Variants in KCND2 observed in about 807,000 individuals in gnomAD.
The protein encoded by KCND2 is A-type voltage-gated potassium channel KCND2.
In KCND2, 16 loss-of-function variants were observed where a neutral mutation model predicts 54.4. That is an observed-to-expected ratio of 0.29 (90% confidence interval 0.20 to 0.45). The LOEUF is 0.45. KCND2 is among the 20% of genes least tolerant of loss of function. KCND2 has a pLI of 1.00. For missense variants in KCND2, 486 were observed against 824.2 expected, an observed-to-expected ratio of 0.59 and a Z score of 5.02; for synonymous variants, 317 against 310.7, an observed-to-expected ratio of 1.02 and a Z score of -0.21.
intron 1 of KCND2, among the ~76,000 whole-genome samples, chr7:120,379,109 G>T (rs1185490958): frequency 6.6e-6 from 1 of 151,882 alleles, no homozygotes; most frequent in Non-Finnish European, 1.5e-5. Context: ...CTTATGAATG[G>T]AATAAAATGA....
intron 1 of KCND2, among the ~76,000 whole-genome samples, chr7:120,525,622 A>G (rs1791762724): frequency 6.6e-6 from 1 of 152,190 alleles, no homozygotes; most frequent in African/African-American, 2.4e-5. Context: ...ATTTGAACTG[A>G]CTCACAAATC....
intron 1 of KCND2, among the ~76,000 whole-genome samples, chr7:120,638,315 T>C (rs926735846): frequency 2.6e-5 from 4 of 152,176 alleles, no homozygotes; most frequent in Non-Finnish European, 4.4e-5. Context: ...ATTTAGTATC[T>C]GTAAGGCACA....
At chr7:120,532,628 A>G (rs1178215442) in intron 1 of KCND2, among the ~76,000 whole-genome samples, 2 of 152,152 alleles carry the variant, frequency 1.3e-5, no homozygotes, top group East Asian at 3.9e-4. Context: ...CAGAAACAAA[A>G]GATAAGCCAG....
chr7:120,422,287 T>A (rs1386480259), intron 1 of KCND2, among the ~76,000 whole-genome samples: 1 of 152,224 alleles, frequency 6.6e-6, no homozygotes, highest in Non-Finnish European at 1.5e-5. Context: ...CTTGAAAACA[T>A]TTCCAAAGAA....
At chr7:120,385,504 A>G (rs1429967350) in intron 1 of KCND2, among the ~76,000 whole-genome samples, 1 of 152,158 alleles carries the variant, frequency 6.6e-6, no homozygotes, top group Non-Finnish European at 1.5e-5. Flanking sequence ...AGCAAAACAT[A>G]GCAAATAAAT....
chr7:120,302,545 ACAGG>A (rs1799602019), intron 1 of KCND2, among the ~76,000 whole-genome samples: 3 of 152,306 alleles, frequency 2.0e-5, no homozygotes, highest in Admixed American at 6.5e-5. Context: ...TGCTGCGATT[ACAGG>A]CATAAGCCAC....
chr7:120,539,123 C>A (rs1403668740), intron 1 of KCND2, among the ~76,000 whole-genome samples: 1 of 151,696 alleles, frequency 6.6e-6, no homozygotes, highest in Non-Finnish European at 1.5e-5. Flanking sequence ...GCTAATAAAG[C>A]AACAATAAGA....
At chr7:120,322,010 A>G (rs989308591) in intron 1 of KCND2, among the ~76,000 whole-genome samples, 4 of 152,148 alleles carry the variant, frequency 2.6e-5, no homozygotes, top group Non-Finnish European at 4.4e-5. Flanking sequence ...TCTACAAAAA[A>G]TGATAAGGAT....
At chr7:120,739,798 A>AAC (rs10571787) in intron 2 of KCND2, among the ~76,000 whole-genome samples, 16,175 of 143,898 alleles carry the variant, frequency 0.11, 977 homozygotes, top group Middle Eastern at 0.15. Context: ...TAACAAAAGA[A>AAC]ACACACACAC....
chr7:120,280,557 A>G (rs1799245376), intron 1 of KCND2, among the ~76,000 whole-genome samples: 1 of 152,004 alleles, frequency 6.6e-6, no homozygotes, highest in African/African-American at 2.4e-5. Flanking sequence ...TACATCATTT[A>G]CTTCTGAACA....
At chr7:120,300,001 A>G (rs558250712) in intron 1 of KCND2, among the ~76,000 whole-genome samples, 113 of 152,338 alleles carry the variant, frequency 7.4e-4, no homozygotes, top group African/African-American at 2.6e-3. Flanking sequence ...TATTTATAGT[A>G]TATATAGCCA....
intron 1 of KCND2, among the ~76,000 whole-genome samples, chr7:120,652,817 T>C (rs117317485): frequency 0.018 from 2,791 of 152,332 alleles, 42 homozygotes; most frequent in Middle Eastern, 0.031. Flanking sequence ...ATGGATTAGA[T>C]CTGAAGAGAG....
intron 1 of KCND2, among the ~76,000 whole-genome samples, chr7:120,417,414 C>T (rs1801539543): frequency 6.6e-6 from 1 of 152,058 alleles, no homozygotes; most frequent in African/African-American, 2.4e-5. Context: ...TTCATTTTTT[C>T]AGATGACTGA....
At chr7:120,317,945 G>T (rs560499262) in intron 1 of KCND2, among the ~76,000 whole-genome samples, 78 of 152,280 alleles carry the variant, frequency 5.1e-4, no homozygotes, top group Non-Finnish European at 9.0e-4. Context: ...GATAGATAAA[G>T]TAGTAAAGGC....
chr7:120,370,295 C>T (rs930380552), intron 1 of KCND2, among the ~76,000 whole-genome samples: 12 of 151,842 alleles, frequency 7.9e-5, no homozygotes, highest in African/African-American at 2.4e-4. Context: ...ACAGGGGAGG[C>T]GTGGCCAGAT....
At chr7:120,582,229 G>T (rs1180337084) in intron 1 of KCND2, among the ~76,000 whole-genome samples, 5 of 152,008 alleles carry the variant, frequency 3.3e-5, no homozygotes, top group African/African-American at 1.2e-4. Flanking sequence ...GTCCCTAAAA[G>T]ATCCCAAGAC....
At chr7:120,661,581 C>T (rs1275645696) in intron 1 of KCND2, among the ~76,000 whole-genome samples, 4 of 151,394 alleles carry the variant, frequency 2.6e-5, no homozygotes, top group African/African-American at 4.9e-5. Context: ...ACCTGAGAGG[C>T]GGAGGCTGCA....
intron 1 of KCND2, among the ~76,000 whole-genome samples, chr7:120,721,678 A>G (rs151192562): frequency 5.2e-4 from 79 of 152,254 alleles, no homozygotes; most frequent in African/African-American, 1.6e-3. Flanking sequence ...AAGCATCATC[A>G]CATTAAATTA....
intron 1 of KCND2, among the ~76,000 whole-genome samples, chr7:120,454,656 CTG>C (rs1802167905): frequency 6.6e-6 from 1 of 152,092 alleles, no homozygotes; most frequent in African/African-American, 2.4e-5. Flanking sequence ...CCTACTGAAA[CTG>C]TTCCAAAAAT....
Sources: allele counts gnomAD v4.1 joint callset (sites outside exome capture counted in the v4.1 genomes callset), GRCh38; gene constraint gnomAD v4.1.1; transcripts MANE v1.5; gene names NCBI Gene and HGNC (gene_info 2026-07-23, HGNC 2026-07-21).